Variants in NTN5 observed in about 807,000 individuals in gnomAD.
NTN5 encodes netrin-5.
In NTN5, 42 loss-of-function variants were observed where a neutral mutation model predicts 38.7. The observed-to-expected ratio is 1.08, with a 90% CI of 0.85 to 1.40. The LOEUF (loss-of-function observed/expected upper bound fraction) is 1.40. Ranked by LOEUF, NTN5 falls within the 40% of genes most tolerant of loss-of-function variation. The pLI is 0.00. For synonymous variants in NTN5, 329 were observed against 303.9 expected, an observed-to-expected ratio of 1.08 and a Z score of -0.86; for missense variants, 658 against 716.5, an observed-to-expected ratio of 0.92 and a Z score of 0.93.
In NTN5 at chr19:48,664,415, A is replaced by G; in HGVS notation, c.821-123T>C. ...CCCCAGCCCCTCTTCCCTCAGACCC[A>G]GGAGTCCAGGCCCCCAGCCCCTCCT... On this transcript the variant is annotated intron_variant, in intron 3 of 6. Coordinates refer to ENST00000270235, the MANE Select transcript of NTN5 (RefSeq NM_145807.4). 13 of 1,361,464 alleles carry G rather than the reference A, an allele frequency of 9.5e-6. No individual in the cohort carries two copies. The South Asian group carries it at 1.3e-4, about 13-fold the overall frequency. 84.3% of individuals were successfully genotyped at this position (1,361,464 alleles called of 1,614,324 possible).
At chr19:48,672,542 G>T (rs1054406864) in intron 1 of NTN5, among the ~76,000 whole-genome samples, 1 of 152,146 alleles carries the variant, frequency 6.6e-6, no homozygotes, top group African/African-American at 2.4e-5. Flanking sequence ...CTCGCCCTCC[G>T]CCCTCCCAAG....
chr19:48,661,785 T>G lies in NTN5; in HGVS notation c.1362A>C (p.Pro454=). The part of the protein sequence containing the change: ...LILDRHGLAL[P]WRPRWARPLK... Reference sequence around the variant, plus strand: ...GGGGCCGGGCCCAGCGCGGCCTCCATGGCAGCGCGAGGCCGTGGCGGTCGA... The same window carrying G: ...GGGGCCGGGCCCAGCGCGGCCTCCAGGGCAGCGCGAGGCCGTGGCGGTCGA... Residue 454 remains proline (P), a synonymous_variant, in exon 7 of 7, where the codon CCA becomes CCC. Transcript: ENST00000270235. The G allele has an allele frequency of 4.3e-6, 6 of 1,405,878 alleles. No individual in the cohort carries two copies. Among genetic ancestry groups the G allele is most frequent in the Non-Finnish European group, 5.5e-6 (6 of 1,089,584 alleles). The allele number at this position is 1,405,878 out of a possible 1,614,324, so 87.1% of individuals were successfully genotyped here. A position where few individuals can be genotyped will look rare whatever the true frequency, so the allele number is the denominator to read the frequency against.
chr19:48,664,682 A>T lies in NTN5; in HGVS notation c.717T>A (p.Cys239Ter), dbSNP rs762324837. 1.2e-6 allele frequency: 2 copies of T among 1,611,198 alleles called. No homozygotes were observed. The highest frequency in any genetic ancestry group is 1.1e-5 in the South Asian group (1 of 90,660). The change falls in exon 3 of 7, where the codon TGT becomes TGA. Residue 239 changes from cysteine to a stop codon, truncating the protein, a stop_gained. Coordinates refer to ENST00000270235, the MANE Select transcript of NTN5 (RefSeq NM_145807.4). LOFTEE classifies it high-confidence loss of function. ...CAGCTGTGTGGTGGCGGCACCGCTC[A>T]CAAACACCCCCACTCCGGCCGCCCG... ...RLSGGRSGGV[C>*]ERCRHHTAGR...
chr19:48,669,924 TCATCACCACTACCATCAC>T (rs1568452719), intron 2 of NTN5, among the ~76,000 whole-genome samples: 83 of 51,834 alleles, frequency 1.6e-3, no homozygotes, highest in African/African-American at 5.1e-3. Flanking sequence ...ACCATCACCA[TCATCACCACTACCATCAC>T]CATCACCACC....
Position 48,661,620 on chromosome 19 carries a change from A to C in NTN5, c.*57T>G. 14 of 1,440,198 alleles carry C rather than the reference A, an allele frequency of 9.7e-6. No individual in the cohort carries two copies. Among genetic ancestry groups the C allele is most frequent in the East Asian group, 2.8e-5 (1 of 35,168 alleles). The allele number at this position is 1,440,198 out of a possible 1,614,324, so 89.2% of individuals were successfully genotyped here. A position where few individuals can be genotyped will look rare whatever the true frequency, so the allele number is the denominator to read the frequency against. On this transcript the variant is annotated 3_prime_UTR_variant, in exon 7 of 7. Coordinates refer to ENST00000270235, the MANE Select transcript of NTN5 (RefSeq NM_145807.4). ...AGTGCACCGTCGAGGTAGAAGGCTC[A>C]GCTCCTAGTCGCTCCCAAATTACTT...
At position 48,670,526 on chromosome 19, in the gene NTN5, C is replaced by G. The variant is rs2031930579; in HGVS notation, c.461G>C (p.Arg154Thr). 1 of 1,492,584 alleles carries G rather than the reference C, an allele frequency of 6.7e-7. No homozygotes were observed. The highest frequency in any genetic ancestry group is 1.4e-5 in the African/African-American group (1 of 71,422). The allele number at this position is 1,492,584 out of a possible 1,614,324, so 92.5% of individuals were successfully genotyped here. The change falls in exon 2 of 7, where the codon AGA (arginine) becomes ACA (threonine). Residue 154 changes from arginine to threonine, a missense_variant. Coordinates refer to ENST00000270235, the MANE Select transcript of NTN5 (RefSeq NM_145807.4). ...GTGGCCATGACACTGGCAGCGGCCT[C>G]TCAGCCCAGCTGCCGCTAGCCCGGC... ...GQAGLAAAGL[R>T]GRCQCHGHAA...
At chr19:48,665,585 C>T (rs2031682024) in intron 2 of NTN5, among the ~76,000 whole-genome samples, 1 of 152,130 alleles carries the variant, frequency 6.6e-6, no homozygotes, top group African/African-American at 2.4e-5. Context: ...CTTTGGGAGG[C>T]CAAGGTGGGC....
chr19:48,663,300 A>T (rs775170786), intron 6 of NTN5, 163 bp downstream of exon 6: 1 of 694,430 alleles, frequency 1.4e-6, no homozygotes, highest in African/African-American at 1.8e-5. Context: ...TCCCCTCCCC[A>T]TTTGTCTTCT....
chr19:48,666,987 C>T (rs901621897), intron 2 of NTN5, among the ~76,000 whole-genome samples: 1 of 151,922 alleles, frequency 6.6e-6, no homozygotes, highest in East Asian at 1.9e-4. Flanking sequence ...CCTGAGAGCC[C>T]GGAAGAGTTG....
rs111408451 is a variant in NTN5, at chr19:48,661,625, C to A, written c.*52G>T. ...ACCGTCGAGGTAGAAGGCTCAGCTC[C>A]TAGTCGCTCCCAAATTACTTTGTTG... is the stretch of plus-strand genomic sequence containing the variant. On this transcript the variant is annotated 3_prime_UTR_variant, in exon 7 of 7. Transcript: ENST00000270235. The A allele has an allele frequency of 1.4e-5, 21 of 1,455,976 alleles. 1 individual carries two copies. The African/African-American group carries it at 2.1e-4, about 14-fold the overall frequency. 90.2% of individuals were successfully genotyped at this position (1,455,976 alleles called of 1,614,324 possible).
In NTN5 at chr19:48,670,875, C is replaced by G. The variant is rs779914493; in HGVS notation, c.112G>C (p.Ala38Pro). Residue 38 changes from alanine (A) to proline (P), a missense_variant, in exon 2 of 7, where the codon GCC (alanine) becomes CCC (proline). By Grantham distance (27) the Ala-to-Pro change is conservative (BLOSUM62 -1). Coordinates refer to ENST00000270235, the MANE Select transcript of NTN5 (RefSeq NM_145807.4). ...GCCTGAGGGCAGGAGGCCGCCACGG[C>G]AGCCAGCTGTGTCACTGGCGGGAGG... ...FCLPPVTQLA[A>P]VAASCPQACA... 13 of 1,610,792 alleles carry G rather than the reference C, an allele frequency of 8.1e-6. No individual in the cohort carries two copies. The highest frequency in any genetic ancestry group is 1.3e-5 in the African/African-American group (1 of 75,006).
rs779047949 is a variant in NTN5 at position 48,664,641 on chromosome 19, T to C, written c.758A>G (p.Tyr253Cys). The change falls in exon 3 of 7, where the codon TAC (tyrosine) becomes TGC (cysteine). Residue 253 changes from tyrosine to cysteine, a missense_variant. Coordinates refer to ENST00000270235, the MANE Select transcript of NTN5 (RefSeq NM_145807.4). ...GTCCCTCCAGAACCCAGGTTGGCAG[T>C]AGTGGCAGTGCCGCCCAGCTGTGTG... is the stretch of plus-strand genomic sequence containing the variant. The part of the protein sequence containing the change: ...RHHTAGRHCH[Y>C]CQPGFWRDPS... 6.2e-7 allele frequency: 1 copy of C among 1,613,558 alleles called. No individual in the cohort carries two copies. Among genetic ancestry groups the C allele is most frequent in the Middle Eastern group, 1.6e-4 (1 of 6,062 alleles).
Position 48,670,465 on chromosome 19 carries a change from G to A in NTN5, c.522C>T (p.Arg174=), listed in dbSNP as rs1281638465. The A allele has an allele frequency of 6.8e-7, 1 of 1,476,984 alleles. No homozygotes were observed. Among genetic ancestry groups the A allele is most frequent in the Non-Finnish European group, 9.0e-7 (1 of 1,114,226 alleles). 91.5% of individuals were successfully genotyped at this position (1,476,984 alleles called of 1,614,324 possible). A position where few individuals can be genotyped will look rare whatever the true frequency, so the allele number is the denominator to read the frequency against. ...ARCAARARPP[R]CHCRHHTTGP... ...CAGTGGTATGGTGGCGGCAGTGGCA[G>A]CGGGGGGGCCGGGCACGGGCGGCAC... The change falls in exon 2 of 7, where the codon CGC becomes CGT. Residue 174 remains arginine (R), a synonymous_variant. Transcript: ENST00000270235.
Position 48,670,935 on chromosome 19 carries a change from G to A in NTN5, c.52C>T (p.Pro18Ser), listed in dbSNP as rs750250952. The A allele has an allele frequency of 8.2e-6, 13 of 1,580,002 alleles. No homozygotes were observed. In the East Asian group the frequency reaches 1.3e-4, roughly 16 times the overall value. Residue 18 changes from proline to serine, a missense_variant, in exon 2 of 7, where the codon CCA becomes TCA. Pro to Ser is a moderately conservative substitution (Grantham distance 74). Coordinates refer to ENST00000270235, the MANE Select transcript of NTN5 (RefSeq NM_145807.4). ...LLLLGQATAD[P>S]CYDPQGRPQF... is the part of the protein sequence containing the mutation. ...GGGCGGCCCTGTGGATCGTAGCATG[G>A]GTCCGCAGTGGCCTGGCCCAGGAGG... is the stretch of plus-strand genomic sequence containing the variant.
intron 3 of NTN5, 136 bp downstream of exon 3, chr19:48,664,443 C>T: frequency 7.6e-7 from 1 of 1,319,158 alleles, no homozygotes; most frequent in Non-Finnish European, 1.0e-6. Context: ...CCCCTCCTCC[C>T]TCAGGCCCAG....
At chr19:48,672,887 A>T (rs890577498) in intron 1 of NTN5, 45 bp downstream of exon 1, 1 of 198,000 alleles carries the variant, frequency 5.1e-6, no homozygotes, top group Admixed American at 5.7e-5. Flanking sequence ...GGCTCTTGGC[A>T]TGCACCCCCC....
At chr19:48,667,860 GAA>G (rs968851515) in intron 2 of NTN5, among the ~76,000 whole-genome samples, 5 of 147,626 alleles carry the variant, frequency 3.4e-5, no homozygotes, top group Non-Finnish European at 6.0e-5. Flanking sequence ...CATCTCAAAA[GAA>G]AAAAAAAAGA....
rs1445964608 is a variant in NTN5, at chr19:48,661,532, C to T, written c.*145G>A. ...GCCTTTTGCTAAAAGTTCCGCACGC[C>T]TGCTCGGCGTGGGCGCAAGCATAGT... On this transcript the variant is annotated 3_prime_UTR_variant, in exon 7 of 7. Transcript: ENST00000270235. The T allele has an allele frequency of 1.9e-6, 2 of 1,040,850 alleles. No individual in the cohort carries two copies. The highest frequency in any genetic ancestry group is 2.5e-6 in the Non-Finnish European group (2 of 798,424). The allele number at this position is 1,040,850 out of a possible 1,614,324, so 64.5% of individuals were successfully genotyped here.
rs1209379094 is a variant in NTN5 at position 48,663,800 on chromosome 19, T to A, written c.985A>T (p.Thr329Ser). The A allele has an allele frequency of 1.2e-6, 2 of 1,614,120 alleles. No individual in the cohort carries two copies. The highest frequency in any genetic ancestry group is 4.5e-5 in the East Asian group (2 of 44,886). The change falls in exon 5 of 7, where the codon ACA (threonine) becomes TCA (serine). Residue 329 changes from threonine (T) to serine (S), a missense_variant. Physicochemically the swap from Thr to Ser is moderately conservative, Grantham distance 58. Transcript: ENST00000270235. Reference sequence around the variant, plus strand: ...CCAGGAGTAGTGGCAAGGGTGGTTGTTGCCTCTGGAATTCCTGTGAGACCA... The same window carrying A: ...CCAGGAGTAGTGGCAAGGGTGGTTGATGCCTCTGGAATTCCTGTGAGACCA... ...RMPCQRIPEA[T>S]TTLATTPGAY...
Sources: gnomAD v4.1 joint callset for allele counts (sites outside exome capture counted in the v4.1 genomes callset) on GRCh38, gnomAD v4.1.1 for gene constraint, MANE v1.5 for transcripts, NCBI Gene and HGNC (gene_info 2026-07-23, HGNC 2026-07-21) for gene names.